Variants in ZNF503 observed in about 807,000 individuals in gnomAD.
ZNF503 encodes zinc finger protein 503, also known as NocA-like zinc finger 2.
ZNF503 carries 15 observed loss-of-function variants against 34.4 expected under a neutral mutation model. The observed-to-expected ratio is 0.44, with a 90% CI of 0.29 to 0.67. The LOEUF (loss-of-function observed/expected upper bound fraction) is 0.67, where lower values mean the gene tolerates loss of function less well. Ranked by LOEUF, ZNF503 falls within the 30% of genes least tolerant of loss-of-function variation. ZNF503 has a pLI of 0.13. For synonymous variants in ZNF503, 580 were observed against 456.8 expected (o/e 1.27, Z -3.44); for missense variants, 1,007 against 926.8 (o/e 1.09, Z -1.12).
the ZNF503 span, among the ~76,000 whole-genome samples, chr10:75,363,257 CAGA>C: frequency 2.6e-5 from 4 of 152,198 alleles, no homozygotes; most frequent in Admixed American, 2.0e-4. Flanking sequence ...TGGAGCTGAG[CAGA>C]CCTCTGGGGC....
At chr10:75,285,914 C>A in the ZNF503 span, among the ~76,000 whole-genome samples, 2 of 152,002 alleles carry the variant, frequency 1.3e-5, no homozygotes, top group East Asian at 1.9e-4. Flanking sequence ...GCTGAGGGAG[C>A]GGGTCTTGAG....
rs1064659 is a variant in ZNF503 at position 75,398,482 on chromosome 10, C to T, written c.*267G>A. 1 of 363,748 alleles carries T rather than the reference C, an allele frequency of 2.7e-6. No individual in the cohort carries two copies. Among genetic ancestry groups the T allele is most frequent in the Non-Finnish European group, 4.9e-6 (1 of 204,884 alleles). The allele number at this position is 363,748 out of a possible 1,614,324, so 22.5% of individuals were successfully genotyped here. On this transcript the variant is annotated 3_prime_UTR_variant, in exon 2 of 2. Coordinates refer to ENST00000372524, the MANE Select transcript of ZNF503 (RefSeq NM_032772.6). ...ATGAACACTTTCTCAATTATTTTTT[C>T]CTTTTTTTTTCTATAAAAAGTCAAA...
the ZNF503 span, among the ~76,000 whole-genome samples, chr10:75,383,349 C>G: frequency 6.6e-6 from 1 of 152,198 alleles, no homozygotes; most frequent in South Asian, 2.1e-4. Flanking sequence ...ATGTCTACCA[C>G]AGGTCCAATC....
chr10:75,286,659 G>C, the ZNF503 span, among the ~76,000 whole-genome samples: 1 of 152,186 alleles, frequency 6.6e-6, no homozygotes, highest in Admixed American at 6.5e-5. Context: ...ATCAGATGCT[G>C]GGAAGAGACT....
At chr10:75,392,689 G>A in the ZNF503 span, among the ~76,000 whole-genome samples, 1 of 152,194 alleles carries the variant, frequency 6.6e-6, no homozygotes, top group African/African-American at 2.4e-5. Flanking sequence ...CAGGCACCCT[G>A]ATGGCCAGAT....
chr10:75,401,705 C>T lies in ZNF503; in HGVS notation c.-286G>A. The stretch of plus-strand genomic sequence containing the variant: ...GCTGCTCCCCTGCGCTGCGTTCTCG[C>T]GGCCCCGCGCCGGCGCTGCGCTCTG... On this transcript the variant is annotated 5_prime_UTR_variant, in exon 1 of 2. Coordinates refer to ENST00000372524, the MANE Select transcript of ZNF503 (RefSeq NM_032772.6). The T allele has an allele frequency of 2.4e-6, 1 of 414,044 alleles. No individual in the cohort carries two copies. The highest frequency in any genetic ancestry group is 4.0e-5 in the South Asian group (1 of 24,694). The allele number at this position is 414,044 out of a possible 1,614,324, so 25.6% of individuals were successfully genotyped here.
chr10:75,339,223 T>TC, the ZNF503 span, among the ~76,000 whole-genome samples: 3 of 151,966 alleles, frequency 2.0e-5, no homozygotes, highest in Non-Finnish European at 2.9e-5. Flanking sequence ...AGAGCGAGAC[T>TC]CCGTCTCAAA....
In ZNF503 at chr10:75,398,838, G is replaced by A; in HGVS notation, c.1852C>T (p.Pro618Ser). The A allele has an allele frequency of 2.0e-6, 3 of 1,501,658 alleles. No individual in the cohort carries two copies. The highest frequency in any genetic ancestry group is 2.7e-6 in the Non-Finnish European group (3 of 1,131,352). The allele number at this position is 1,501,658 out of a possible 1,614,324, so 93.0% of individuals were successfully genotyped here. ...TACGGTCCGGTGGCGGCGGGCACCGGCACGGGGGCGCCAGGCGTGGGAAGC... is the reference window on the plus strand; with the variant it reads ...TACGGTCCGGTGGCGGCGGGCACCGACACGGGGGCGCCAGGCGTGGGAAGC... ...SPLPTPGAPV[P>S]VPAATGPYYS... is the part of the protein sequence containing the mutation. The change falls in exon 2 of 2, where the codon CCG (proline) becomes TCG (serine). Residue 618 changes from proline (P) to serine (S), a missense_variant. Transcript: ENST00000372524.
chr10:75,345,548 T>A, the ZNF503 span, among the ~76,000 whole-genome samples: 53,886 of 146,150 alleles, frequency 0.37, 9,967 homozygotes, highest in Middle Eastern at 0.43. Flanking sequence ...GGCAGGAGAA[T>A]CACTTGAACC....
At chr10:75,351,685 C>A in the ZNF503 span, among the ~76,000 whole-genome samples, 3 of 152,168 alleles carry the variant, frequency 2.0e-5, no homozygotes, top group Non-Finnish European at 2.9e-5. Context: ...GGAGAGTCAA[C>A]TCCTCCATTC....
At chr10:75,353,559 C>T in the ZNF503 span, among the ~76,000 whole-genome samples, 1 of 152,194 alleles carries the variant, frequency 6.6e-6, no homozygotes, top group Admixed American at 6.5e-5. Flanking sequence ...AGTCTGAAGA[C>T]TGCAAGCCAG....
Position 75,398,832 on chromosome 10 carries a change from G to A in ZNF503, c.1858C>T (p.Pro620Ser). The change falls in exon 2 of 2, where the codon CCC becomes TCC. Residue 620 changes from proline (P) to serine (S), a missense_variant. By Grantham distance (74) the Pro-to-Ser change is moderately conservative. Transcript: ENST00000372524. ...LPTPGAPVPV[P>S]AATGPYYSPY... ...GAGTAGTACGGTCCGGTGGCGGCGG[G>A]CACCGGCACGGGGGCGCCAGGCGTG... The A allele has an allele frequency of 4.7e-6, 7 of 1,500,066 alleles. No individual in the cohort carries two copies. The South Asian group carries it at 9.6e-5, about 21-fold the overall frequency. The allele number at this position is 1,500,066 out of a possible 1,614,324, so 92.9% of individuals were successfully genotyped here. A position where few individuals can be genotyped will look rare whatever the true frequency, so the allele number is the denominator to read the frequency against.
At chr10:75,357,061 G>T in the ZNF503 span, among the ~76,000 whole-genome samples, 1 of 152,066 alleles carries the variant, frequency 6.6e-6, no homozygotes, top group East Asian at 1.9e-4. Context: ...GAGAATCTGT[G>T]TGTGAATTAG....
the ZNF503 span, among the ~76,000 whole-genome samples, chr10:75,356,266 G>T: frequency 6.6e-6 from 1 of 152,150 alleles, no homozygotes. Context: ...GCCCAGGCTG[G>T]AGTGCAGTGG....
the ZNF503 span, among the ~76,000 whole-genome samples, chr10:75,340,246 AAAATAACAACAATAAT>A: frequency 3.3e-5 from 5 of 152,284 alleles, no homozygotes; most frequent in African/African-American, 1.2e-4. Flanking sequence ...ACCCTGTCTC[AAAATAACAACAATAAT>A]AATAATAGTC....
chr10:75,384,229 C>T, the ZNF503 span, among the ~76,000 whole-genome samples: 1 of 152,182 alleles, frequency 6.6e-6, no homozygotes, highest in South Asian at 2.1e-4. Flanking sequence ...CTCCCTCCCT[C>T]CTGGTGATGG....
the ZNF503 span, among the ~76,000 whole-genome samples, chr10:75,363,676 C>A: frequency 6.6e-6 from 1 of 152,212 alleles, no homozygotes; most frequent in Non-Finnish European, 1.5e-5. Context: ...CAGTGCACAA[C>A]CTGCACAACC....
chr10:75,382,711 G>T, the ZNF503 span: 1 of 342,390 alleles, frequency 2.9e-6, no homozygotes, highest in Non-Finnish European at 5.8e-6. Context: ...TCTCTGGAAA[G>T]CTGTCAAAAT....
the ZNF503 span, among the ~76,000 whole-genome samples, chr10:75,367,377 G>T: frequency 6.6e-6 from 1 of 152,194 alleles, no homozygotes; most frequent in Non-Finnish European, 1.5e-5. Context: ...AATTAAAAAT[G>T]ATCTGGTTAG....
Sources: gnomAD v4.1 joint callset for allele counts (sites outside exome capture counted in the v4.1 genomes callset) on GRCh38, gnomAD v4.1.1 for gene constraint, MANE v1.5 for transcripts, NCBI Gene and HGNC (gene_info 2026-07-23, HGNC 2026-07-21) for gene names.